Variants in MBD5 observed in about 807,000 individuals in gnomAD.
MBD5 encodes methyl-CpG binding domain protein 5.
A neutral mutation model predicts 117.3 loss-of-function variants in MBD5; 13 were observed. That is an observed-to-expected ratio of 0.11 (90% CI 0.07 to 0.18). The LOEUF (loss-of-function observed/expected upper bound fraction) is 0.18. Ranked by LOEUF, MBD5 falls within the 10% of genes least tolerant of loss-of-function variation. The pLI is 1.00. For synonymous variants in MBD5, 727 were observed against 766.4 expected (o/e 0.95, Z 0.85); for missense variants, 1,879 against 2,093.8 (o/e 0.90, Z 2.00).
chr2:148,037,159 A>C (rs1694218747), intron 1 of MBD5, among the ~76,000 whole-genome samples: 2 of 152,110 alleles, frequency 1.3e-5, no homozygotes, highest in African/African-American at 4.8e-5. Context: ...CACTTAATGG[A>C]GATTTTTACA....
At chr2:148,130,825 T>C (rs978964834) in intron 1 of MBD5, among the ~76,000 whole-genome samples, 1 of 152,202 alleles carries the variant, frequency 6.6e-6, no homozygotes, top group African/African-American at 2.4e-5. Flanking sequence ...ATTTACTCAC[T>C]TAGTGATGGT....
At chr2:148,432,792 G>A (rs1574418285) in intron 4 of MBD5, among the ~76,000 whole-genome samples, 2 of 151,910 alleles carry the variant, frequency 1.3e-5, no homozygotes, top group South Asian at 4.2e-4. Context: ...GTTTGAAGTT[G>A]GATAATGTGA....
At position 148,483,703 on chromosome 2, in the gene MBD5, A is replaced by G. The variant is rs562128787; in HGVS notation, c.3112A>G (p.Ser1038Gly). 4.7e-4 allele frequency: 722 copies of G among 1,550,632 alleles called. 1 individual carries two copies. The Middle Eastern group carries it at 5.2e-3, about 11-fold the overall frequency. Residue 1038 changes from serine to glycine, a missense_variant, in exon 9 of 14, where the codon AGC (serine) becomes GGC (glycine). Ser to Gly is a moderately conservative substitution (Grantham distance 56). Transcript: ENST00000642680. ...GACAGCCCCACCAGACCATTTGCCA[A>G]GCAATCAGTCAGACAACAGCCGAGC... ...QMTAPPDHLP[S>G]NQSDNSRAET...
chr2:148,095,295 T>C (rs1007934962), intron 1 of MBD5, among the ~76,000 whole-genome samples: 16 of 152,190 alleles, frequency 1.1e-4, no homozygotes, highest in Admixed American at 4.6e-4. Flanking sequence ...TGAACATTTT[T>C]CCCTTATTCT....
intron 3 of MBD5, among the ~76,000 whole-genome samples, chr2:148,271,316 C>T (rs1700980517): frequency 6.6e-6 from 1 of 152,124 alleles, no homozygotes; most frequent in South Asian, 2.1e-4. Context: ...ATTCTGTGGA[C>T]ATTTGAAGAG....
chr2:148,322,470 C>A (rs1168843454), intron 3 of MBD5, among the ~76,000 whole-genome samples: 1 of 152,166 alleles, frequency 6.6e-6, no homozygotes, highest in African/African-American at 2.4e-5. Context: ...AAGAGTTGCT[C>A]ATTTTTATGA....
At chr2:148,081,882 C>T (rs919373257) in intron 1 of MBD5, among the ~76,000 whole-genome samples, 1 of 152,114 alleles carries the variant, frequency 6.6e-6, no homozygotes, top group African/African-American at 2.4e-5. Flanking sequence ...TATAAAAGAG[C>T]AGTAACTACT....
intron 1 of MBD5, among the ~76,000 whole-genome samples, chr2:148,154,294 G>C (rs956728275): frequency 6.6e-6 from 1 of 152,104 alleles, no homozygotes; most frequent in Non-Finnish European, 1.5e-5. Context: ...CCCGTTCTCA[G>C]ATCTCCAGCT....
At chr2:148,157,296 C>T (rs1193770170) in intron 1 of MBD5, among the ~76,000 whole-genome samples, 1 of 151,002 alleles carries the variant, frequency 6.6e-6, no homozygotes, top group African/African-American at 2.4e-5. Flanking sequence ...TAGCCCCCCA[C>T]CCCCAAACAG....
At chr2:148,373,097 T>C (rs189553449) in intron 4 of MBD5, among the ~76,000 whole-genome samples, 3 of 152,276 alleles carry the variant, frequency 2.0e-5, no homozygotes, top group African/African-American at 7.2e-5. Flanking sequence ...GGCTACAATA[T>C]TGAATTTTAA....
intron 1 of MBD5, among the ~76,000 whole-genome samples, chr2:148,064,039 C>G (rs962506911): frequency 4.6e-5 from 7 of 151,872 alleles, no homozygotes; most frequent in African/African-American, 1.7e-4. Context: ...TAGCTTCTTA[C>G]ACCCAAGCAG....
In MBD5 at chr2:148,391,545, A is replaced by G. The variant is rs954980333; in HGVS notation, c.-557+49209A>G. Among the ~76,000 whole-genome samples, 3 of 152,266 alleles carry G rather than the reference A, an allele frequency of 2.0e-5. No individual in the cohort carries two copies. In the East Asian group the frequency reaches 5.8e-4, roughly 29 times the overall value. On this transcript the variant is annotated intron_variant, in intron 4 of 13. Coordinates refer to ENST00000642680, the MANE Select transcript of MBD5 (RefSeq NM_001378120.1). ...GACTTTATAATGTTTTTCTTTTGAC[A>G]TCATATATTTCACAAGTAATATACT...
At chr2:148,477,390 T>G (rs890525948) in intron 8 of MBD5, among the ~76,000 whole-genome samples, 1 of 152,132 alleles carries the variant, frequency 6.6e-6, no homozygotes, top group South Asian at 2.1e-4. Flanking sequence ...CTCCCTTGAA[T>G]AGAACAAAGT....
At chr2:148,379,781 T>G (rs1221958360) in intron 4 of MBD5, among the ~76,000 whole-genome samples, 1 of 152,062 alleles carries the variant, frequency 6.6e-6, no homozygotes, top group Non-Finnish European at 1.5e-5. Flanking sequence ...GTATACCTAG[T>G]AAGATTTCCA....
At chr2:148,281,289 C>T (rs1466372567) in intron 3 of MBD5, among the ~76,000 whole-genome samples, 1 of 152,144 alleles carries the variant, frequency 6.6e-6, no homozygotes, top group African/African-American at 2.4e-5. Flanking sequence ...ATCACATTCT[C>T]AGTGAATTGC....
intron 4 of MBD5, among the ~76,000 whole-genome samples, chr2:148,343,530 A>C (rs1436770033): frequency 1.3e-5 from 2 of 151,898 alleles, no homozygotes; most frequent in Admixed American, 1.3e-4. Flanking sequence ...GATTAGTGAT[A>C]ATAAGCACTT....
At chr2:148,225,933 T>C (rs1468881266) in intron 2 of MBD5, among the ~76,000 whole-genome samples, 2 of 152,164 alleles carry the variant, frequency 1.3e-5, no homozygotes, top group Non-Finnish European at 2.9e-5. Context: ...GGTAGTCTTC[T>C]TTGGGTTAAT....
chr2:148,290,741 A>T (rs1225300849), intron 3 of MBD5, among the ~76,000 whole-genome samples: 1 of 152,140 alleles, frequency 6.6e-6, no homozygotes, highest in African/African-American at 2.4e-5. Context: ...AATATACCAC[A>T]TTTCATTTTA....
In MBD5 at chr2:148,469,059, C is replaced by T. The variant is rs1380671016; in HGVS notation, c.1116C>T (p.Asn372=). The T allele has an allele frequency of 3.7e-6, 6 of 1,613,738 alleles. No individual in the cohort carries two copies. The highest frequency in any genetic ancestry group is 1.7e-5 in the Admixed American group (1 of 59,964). Reference sequence around the variant, plus strand: ...TTCCTAGTAAACCAGTGAATCAGAACCCTGTTATCATTAATCCAACCAGTT... The same window carrying T: ...TTCCTAGTAAACCAGTGAATCAGAATCCTGTTATCATTAATCCAACCAGTT... The part of the protein sequence containing the change: ...DPIPSKPVNQ[N]PVIINPTSFH... The change falls in exon 8 of 14, where the codon AAC becomes AAT. Residue 372 remains asparagine (N), a synonymous_variant. Transcript: ENST00000642680.
Sources: allele counts gnomAD v4.1 joint callset (sites outside exome capture counted in the v4.1 genomes callset), GRCh38; gene constraint gnomAD v4.1.1; transcripts MANE v1.5; gene names NCBI Gene and HGNC (gene_info 2026-07-23, HGNC 2026-07-21).